Variants in MFSD6 observed in about 807,000 individuals in gnomAD.
MFSD6 encodes the protein major facilitator superfamily domain-containing protein 6.
A neutral mutation model predicts 56.3 loss-of-function variants in MFSD6; 26 were observed. The observed-to-expected ratio is 0.46, with a 90% CI of 0.34 to 0.64. The LOEUF is 0.64. Among genes scored for constraint, MFSD6 ranks in the 30% least tolerant of loss-of-function variants. The pLI is 0.01. For missense variants in MFSD6, 750 were observed against 986.2 expected, an observed-to-expected ratio of 0.76 and a Z score of 3.21; for synonymous variants, 331 against 366.9, an observed-to-expected ratio of 0.90 and a Z score of 1.12.
chr2:190,426,150 C>T lies in MFSD6; in HGVS notation c.-53-9827C>T, dbSNP rs1000674371. Among the ~76,000 whole-genome samples the T allele has an allele frequency of 1.3e-5, 2 of 152,106 alleles. No individual in the cohort carries two copies. Among genetic ancestry groups the T allele is most frequent in the Non-Finnish European group, 2.9e-5 (2 of 68,002 alleles). On this transcript the variant is annotated intron_variant, in intron 2 of 7. Transcript: ENST00000392328. The surrounding 1 kb of genome is among the most constrained non-coding windows in gnomAD (Gnocchi z 4.7). ...ACTTCTTTGACAACTTTTTCACTCC[C>T]TTTTTTTCTCCTCACCTTCCAGGAC...
rs1388394469 is a variant in MFSD6, at chr2:190,454,624, C to T, written c.1533-15134C>T. On this transcript the variant is annotated intron_variant, in intron 3 of 7. Coordinates refer to ENST00000392328, the MANE Select transcript of MFSD6 (RefSeq NM_017694.4). This position sits in a 1 kb window ranked among gnomAD's most constrained non-coding sequence, Gnocchi z 4.6. Reference sequence around the variant, plus strand: ...CTACAAGCCAGGAAGAGACCCCTCACCAGAACCCAGACATGCTGGTATCCT... The same window carrying T: ...CTACAAGCCAGGAAGAGACCCCTCATCAGAACCCAGACATGCTGGTATCCT... 2 of 152,196 alleles carry T rather than the reference C, an allele frequency of 1.3e-5. No homozygotes were observed. Among genetic ancestry groups the T allele is most frequent in the Non-Finnish European group, 2.9e-5 (2 of 68,064 alleles). The allele number at this position is 152,196 out of a possible 1,614,324, so 9.4% of individuals were successfully genotyped here.
rs180942003 is a variant in MFSD6, at chr2:190,437,139, C to A, written c.1110C>A (p.Ile370=). The part of the protein sequence containing the change: ...CKPPEYRNYQ[I]VFIVFGVLMT... ...CCCCCGAGTACAGGAATTACCAGAT[C>A]GTCTTCATCGTCTTCGGCGTTCTCA... Residue 370 remains isoleucine (I), a synonymous_variant, in exon 3 of 8, where the codon ATC becomes ATA. Coordinates refer to ENST00000392328, the MANE Select transcript of MFSD6 (RefSeq NM_017694.4). The surrounding 1 kb of genome is among the most constrained non-coding windows in gnomAD (Gnocchi z 5.9). The A allele has an allele frequency of 1.2e-6, 2 of 1,614,116 alleles. No homozygotes were observed. The highest frequency in any genetic ancestry group is 2.7e-5 in the African/African-American group (2 of 74,936).
At chr2:190,441,530 A>G (rs1559113530) in intron 3 of MFSD6, among the ~76,000 whole-genome samples, 1 of 152,028 alleles carries the variant, frequency 6.6e-6, no homozygotes, top group Non-Finnish European at 1.5e-5. Flanking sequence ...TTTCCAGCTC[A>G]TGCAGCATGT....
rs952236220 is a variant in MFSD6 at position 190,471,821 on chromosome 2, C to G, written c.1630+1966C>G. Among the ~76,000 whole-genome samples, 1 of 152,182 alleles carries G rather than the reference C, an allele frequency of 6.6e-6. No homozygotes were observed. The highest frequency in any genetic ancestry group is 1.5e-5 in the Non-Finnish European group (1 of 68,034). On this transcript the variant is annotated intron_variant, in intron 4 of 7. Transcript: ENST00000392328. This position sits in a 1 kb window ranked among gnomAD's most constrained non-coding sequence, Gnocchi z 4.7. ...AGTGGGTCCCTGACCCGCAAGTAGC[C>G]TAACTGGGAGGCACCCCCCAGTAGG...
intron 1 of MFSD6, 59 bp downstream of exon 1, chr2:190,408,562 C>G (rs1690403381): frequency 6.6e-6 from 1 of 152,016 alleles, no homozygotes; most frequent in East Asian, 1.9e-4. Context: ...CCTCCCCCGC[C>G]CCGCACGGGC....
At position 190,459,364 on chromosome 2, in the gene MFSD6, T is replaced by A. The variant is rs751509318; in HGVS notation, c.1533-10394T>A. Among the ~76,000 whole-genome samples, 1 of 152,218 alleles carries A rather than the reference T, an allele frequency of 6.6e-6. No individual in the cohort carries two copies. Among genetic ancestry groups the A allele is most frequent in the African/African-American group, 2.4e-5 (1 of 41,452 alleles). ...TCAAGTAAAACTCTTGAGGCCTTTT[T>A]AAAATTAACGGCTATGCCAAATGTC... On this transcript the variant is annotated intron_variant, in intron 3 of 7. Transcript: ENST00000392328. This position sits in a 1 kb window ranked among gnomAD's most constrained non-coding sequence, Gnocchi z 5.3.
In MFSD6 at chr2:190,412,127, A is replaced by G. The variant is rs1219826296; in HGVS notation, c.-175-3165A>G. On this transcript the variant is annotated intron_variant, in intron 1 of 7. Coordinates refer to ENST00000392328, the MANE Select transcript of MFSD6 (RefSeq NM_017694.4). This position sits in a 1 kb window ranked among gnomAD's most constrained non-coding sequence, Gnocchi z 4.1. ...TTGTTAAATACAGTCCCATAGTTCT[A>G]TCCAATTCTATGTAAAATTAACTAA... 1.0e-6 allele frequency: 1 copy of G among 983,802 alleles called. No individual in the cohort carries two copies. The highest frequency in any genetic ancestry group is 1.7e-5 in the African/African-American group (1 of 57,198). 60.9% of individuals were successfully genotyped at this position (983,802 alleles called of 1,614,324 possible).
At position 190,491,564 on chromosome 2, in the gene MFSD6, T is replaced by A. The variant is rs1020983444; in HGVS notation, c.1891+1698T>A. On this transcript the variant is annotated intron_variant, in intron 6 of 7. Coordinates refer to ENST00000392328, the MANE Select transcript of MFSD6 (RefSeq NM_017694.4). The surrounding 1 kb of genome is among the most constrained non-coding windows in gnomAD (Gnocchi z 4.2). ...GCTAGATCCAGAAGAGAAATGACAA[T>A]CACTACAGCCTGGCTGTCAGGAAGC... Among the ~76,000 whole-genome samples, 2 of 152,042 alleles carry A rather than the reference T, an allele frequency of 1.3e-5. No individual in the cohort carries two copies. The highest frequency in any genetic ancestry group is 4.8e-5 in the African/African-American group (2 of 41,392).
chr2:190,432,427 T>G (rs1033312042), intron 2 of MFSD6, among the ~76,000 whole-genome samples: 1 of 152,112 alleles, frequency 6.6e-6, no homozygotes, highest in Non-Finnish European at 1.5e-5. Context: ...TTTGTTTTTG[T>G]TTTTTGAGAC....
Position 190,436,226 on chromosome 2 carries a change from A to G in MFSD6, c.197A>G (p.Asn66Ser). 1 of 1,614,106 alleles carries G rather than the reference A, an allele frequency of 6.2e-7. No individual in the cohort carries two copies. Among genetic ancestry groups the G allele is most frequent in the South Asian group, 1.1e-5 (1 of 91,088 alleles). ...WIEKHCVKIN[N>S]DLLISKVFYF... is the part of the protein sequence containing the mutation. ...GAGAAACATTGTGTTAAGATAAACA[A>G]CGATCTTCTAATTTCCAAGGTCTTT... is the stretch of plus-strand genomic sequence containing the variant. The change falls in exon 3 of 8, where the codon AAC becomes AGC. Residue 66 changes from asparagine (N) to serine (S), a missense_variant. Physicochemically the swap from Asn to Ser is conservative, Grantham distance 46. This residue lies in a region of MFSD6 where 76 missense variants were observed against 101.9 expected (regional missense o/e 0.75). Transcript: ENST00000392328. The surrounding 1 kb of genome is among the most constrained non-coding windows in gnomAD (Gnocchi z 5.3).
At position 190,437,678 on chromosome 2, in the gene MFSD6, A is replaced by G. The variant is rs1018800381; in HGVS notation, c.1532+117A>G. On this transcript the variant is annotated intron_variant, in intron 3 of 7. Coordinates refer to ENST00000392328, the MANE Select transcript of MFSD6 (RefSeq NM_017694.4). The surrounding 1 kb of genome is among the most constrained non-coding windows in gnomAD (Gnocchi z 5.9). Reference sequence around the variant, plus strand: ...TAATTTGTGTTGAGGATAGGGTTGGAGTGGAAATGGGGATTTCTGTTTCTT... The same window carrying G: ...TAATTTGTGTTGAGGATAGGGTTGGGGTGGAAATGGGGATTTCTGTTTCTT... The G allele has an allele frequency of 7.7e-5, 95 of 1,233,166 alleles. 1 individual carries two copies. The Admixed American group carries it at 2.4e-3, about 32-fold the overall frequency. The allele number at this position is 1,233,166 out of a possible 1,614,324, so 76.4% of individuals were successfully genotyped here.
intron 4 of MFSD6, among the ~76,000 whole-genome samples, chr2:190,472,861 A>G (rs1688031646): frequency 6.6e-6 from 1 of 152,230 alleles, no homozygotes; most frequent in African/African-American, 2.4e-5. Flanking sequence ...CCACAAAGGG[A>G]AGCCCATCAG....
At chr2:190,428,831 C>G (rs1440729411) in intron 2 of MFSD6, among the ~76,000 whole-genome samples, 3 of 152,082 alleles carry the variant, frequency 2.0e-5, no homozygotes, top group Non-Finnish European at 4.4e-5. Context: ...TGCCACCATG[C>G]CTGGCTAATT....
At position 190,436,529 on chromosome 2, in the gene MFSD6, C is replaced by T. The variant is rs764324932; in HGVS notation, c.500C>T (p.Thr167Ile). The change falls in exon 3 of 8, where the codon ACT becomes ATT. Residue 167 changes from threonine to isoleucine, a missense_variant. Physicochemically the swap from Thr to Ile is moderately conservative, Grantham distance 89. Transcript: ENST00000392328. The surrounding 1 kb of genome is among the most constrained non-coding windows in gnomAD (Gnocchi z 5.3). ...TGTGTACCAAAGATTCGCCCAACAA[C>T]TCACCCCACCAATGCAAGTCACCAG... is the stretch of plus-strand genomic sequence containing the variant. Reference protein sequence around the residue: ...LRCVPKIRPTTHPTNASHQLT... With the variant: ...LRCVPKIRPTIHPTNASHQLT... The T allele has an allele frequency of 1.2e-6, 2 of 1,614,246 alleles. No individual in the cohort carries two copies. The highest frequency in any genetic ancestry group is 8.5e-7 in the Non-Finnish European group (1 of 1,180,042).
chr2:190,426,511 A>G lies in MFSD6; in HGVS notation c.-53-9466A>G, dbSNP rs916646851. 6.6e-6 allele frequency among the ~76,000 whole-genome samples: 1 copy of G among 152,154 alleles called. No homozygotes were observed. The highest frequency in any genetic ancestry group is 1.5e-5 in the Non-Finnish European group (1 of 68,032). On this transcript the variant is annotated intron_variant, in intron 2 of 7. Coordinates refer to ENST00000392328, the MANE Select transcript of MFSD6 (RefSeq NM_017694.4). The surrounding 1 kb of genome is among the most constrained non-coding windows in gnomAD (Gnocchi z 4.7). ...AAATATTTTAAATTCAGGGGGTACA[A>G]TGCATGTTTGTTACATGGGTATATT...
At chr2:190,472,159 T>G (rs1687981675) in intron 4 of MFSD6, among the ~76,000 whole-genome samples, 2 of 152,068 alleles carry the variant, frequency 1.3e-5, no homozygotes, top group African/African-American at 2.4e-5. Flanking sequence ...GCAGAAAAAC[T>G]GAAAATTCTA....
In MFSD6 at chr2:190,472,416, C is replaced by T. The variant is rs183913454; in HGVS notation, c.1630+2561C>T. 2.1e-3 allele frequency among the ~76,000 whole-genome samples: 322 copies of T among 152,208 alleles called. 2 individuals are homozygous for T. The highest frequency in any genetic ancestry group is 1.7e-3 in the Non-Finnish European group (118 of 68,020). ...AAGGACCTGATGGAGCTGAAAACCA[C>T]GGCACGAGAAATAGGTGACAAATGC... On this transcript the variant is annotated intron_variant, in intron 4 of 7. Transcript: ENST00000392328.
intron 4 of MFSD6, among the ~76,000 whole-genome samples, chr2:190,486,446 C>T (rs1159289721): frequency 1.3e-5 from 2 of 152,232 alleles, no homozygotes; most frequent in East Asian, 3.8e-4. Context: ...CTCTAGCCAC[C>T]TTGGCTCCCT....
In MFSD6 at chr2:190,447,100, A is replaced by T. The variant is rs1004892059; in HGVS notation, c.1532+9539A>T. On this transcript the variant is annotated intron_variant, in intron 3 of 7. Transcript: ENST00000392328. This position sits in a 1 kb window ranked among gnomAD's most constrained non-coding sequence, Gnocchi z 4.5. ...ATTCATAGGCTCAGTAAAAAAAAAA[A>T]CTTGAAAGGATGTCTTGACACACAA... Among the ~76,000 whole-genome samples, 1 of 152,142 alleles carries T rather than the reference A, an allele frequency of 6.6e-6. No individual in the cohort carries two copies. Among genetic ancestry groups the T allele is most frequent in the Non-Finnish European group, 1.5e-5 (1 of 68,034 alleles).
Sources: allele counts gnomAD v4.1 joint callset (sites outside exome capture counted in the v4.1 genomes callset), GRCh38; gene constraint gnomAD v4.1.1; regional missense constraint gnomAD v4.1.1; non-coding constraint Gnocchi (gnomAD v3.1); transcripts MANE v1.5; gene names NCBI Gene and HGNC (gene_info 2026-07-23, HGNC 2026-07-21).